Variants in RYR2 observed in about 807,000 individuals in gnomAD.
The protein encoded by RYR2 is cardiac muscle ryanodine receptor-calcium release channel.
A neutral mutation model predicts 601.1 loss-of-function variants in RYR2; 227 were observed. The ratio of observed to expected loss-of-function variants is 0.38; its 90% confidence interval spans 0.34 to 0.42. RYR2 has a LOEUF of 0.42. Ranked by LOEUF, RYR2 falls within the 10% of genes least tolerant of loss-of-function variation. The probability of loss-of-function intolerance (pLI) is 1.00; values close to 1 mark genes in which losing one functional copy is unlikely to be tolerated. For synonymous variants in RYR2, 2,223 were observed against 2,175.1 expected (o/e 1.02, Z -0.61); for missense variants, 4,646 against 6,156.5 (o/e 0.75, Z 8.21).
chr1:237,263,220 A>G (rs1216274000), intron 1 of RYR2, among the ~76,000 whole-genome samples: 1 of 152,188 alleles, frequency 6.6e-6, no homozygotes, highest in Non-Finnish European at 1.5e-5. Flanking sequence ...TTTGATTGGA[A>G]ATTAAATAAG....
At chr1:237,107,328 T>C (rs1047436520) in intron 1 of RYR2, among the ~76,000 whole-genome samples, 29 of 151,448 alleles carry the variant, frequency 1.9e-4, no homozygotes, top group Non-Finnish European at 3.1e-4. Flanking sequence ...GAGACCATCC[T>C]GGCTAACACG....
chr1:237,728,865 A>G (rs199588126), intron 76 of RYR2, among the ~76,000 whole-genome samples: 1 of 152,178 alleles, frequency 6.6e-6, no homozygotes, highest in Admixed American at 6.6e-5. Flanking sequence ...ATGGGTTGAT[A>G]GGTGCAGCAA....
rs1689895964 is a variant in RYR2 at position 237,723,194 on chromosome 1, A to C, written c.10621A>C (p.Thr3541Pro). The change falls in exon 74 of 105, where the codon ACC (threonine) becomes CCC (proline). Residue 3541 changes from threonine (T) to proline (P), a missense_variant. Thr to Pro is a conservative substitution (Grantham distance 38). Around this residue, in one of 17 missense-constraint regions of RYR2, gnomAD observed 1,497 missense variants for 1,842.6 expected, o/e 0.81. Transcript: ENST00000366574. ...AGACTTACCAAACAGGACTGATGAT[A>C]CCTCAGATCCAGAGAAGACGGTAGA... ...YKDLPNRTDD[T>P]SDPEKTVERV... The C allele has an allele frequency of 6.2e-7, 1 of 1,611,008 alleles. No homozygotes were observed. Among genetic ancestry groups the C allele is most frequent in the Non-Finnish European group, 8.5e-7 (1 of 1,177,376 alleles).
chr1:237,204,361 C>T (rs1681543344), intron 1 of RYR2, among the ~76,000 whole-genome samples: 1 of 152,194 alleles, frequency 6.6e-6, no homozygotes, highest in African/African-American at 2.4e-5. Flanking sequence ...CCCATATCCT[C>T]TGTCCCTTTA....
intron 1 of RYR2, among the ~76,000 whole-genome samples, chr1:237,059,769 T>C (rs2148227205): frequency 6.6e-6 from 1 of 152,312 alleles, no homozygotes; most frequent in Middle Eastern, 3.4e-3. Context: ...AAGAATGCCA[T>C]AAATATTGGA....
intron 86 of RYR2, 55 bp downstream of exon 86, chr1:237,772,155 T>C: frequency 1.1e-6 from 1 of 934,248 alleles, no homozygotes; most frequent in Non-Finnish European, 1.7e-6. Flanking sequence ...GTTGAAACAA[T>C]ACGGCAGAGT....
rs1220449640 is a variant in RYR2 at position 237,595,612 on chromosome 1, G to T, written c.4551G>T (p.Leu1517=). Residue 1517 remains leucine (L), a synonymous_variant, in exon 34 of 105, where the codon CTG becomes CTT. Coordinates refer to ENST00000366574, the MANE Select transcript of RYR2 (RefSeq NM_001035.3). ...IGCVVDAASG[L]LTFIANGKEL... ...GTGTGGTGGATGCTGCCAGCGGGCTGCTCACATTCATTGCCAATGGCAAGG... is the reference window on the plus strand; with the variant it reads ...GTGTGGTGGATGCTGCCAGCGGGCTTCTCACATTCATTGCCAATGGCAAGG... 1 of 1,613,260 alleles carries T rather than the reference G, an allele frequency of 6.2e-7. No homozygotes were observed.
intron 1 of RYR2, among the ~76,000 whole-genome samples, chr1:237,164,269 T>C (rs914565782): frequency 6.6e-6 from 1 of 152,136 alleles, no homozygotes; most frequent in African/African-American, 2.4e-5. Flanking sequence ...TGAGACTCTG[T>C]TTCAAAAAAG....
intron 1 of RYR2, among the ~76,000 whole-genome samples, chr1:237,058,930 C>T (rs1054026944): frequency 2.6e-5 from 4 of 152,020 alleles, no homozygotes; most frequent in African/African-American, 9.7e-5. Context: ...TGAACATTCT[C>T]TAGTTTTGGT....
intron 1 of RYR2, among the ~76,000 whole-genome samples, chr1:237,205,881 G>A (rs535658301): frequency 8.5e-5 from 13 of 152,304 alleles, no homozygotes; most frequent in Admixed American, 5.2e-4. Context: ...GACCTGGACC[G>A]GAGGCTTGGC....
chr1:237,163,263 T>C lies in RYR2; in HGVS notation c.49-107234T>C, dbSNP rs188224753. On this transcript the variant is annotated intron_variant, in intron 1 of 104. Coordinates refer to ENST00000366574, the MANE Select transcript of RYR2 (RefSeq NM_001035.3). ...CCTTTTACTGTCCACCTAAGGAACA[T>C]GCCATACCACATTCCCATCAATAGC... 4.6e-3 allele frequency among the ~76,000 whole-genome samples: 695 copies of C among 152,150 alleles called. 19 individuals are homozygous for C. The highest frequency in any genetic ancestry group is 1.4e-3 in the Non-Finnish European group (96 of 67,998).
intron 1 of RYR2, among the ~76,000 whole-genome samples, chr1:237,071,075 AGG>A (rs1664254547): frequency 6.6e-6 from 1 of 152,158 alleles, no homozygotes; most frequent in South Asian, 2.1e-4. Context: ...GGGAAGAATG[AGG>A]TATGCAGATA....
intron 1 of RYR2, among the ~76,000 whole-genome samples, chr1:237,121,726 G>T (rs1670799001): frequency 6.6e-6 from 1 of 152,210 alleles, no homozygotes; most frequent in Non-Finnish European, 1.5e-5. Flanking sequence ...TATGTTCTGT[G>T]AGAAACGGAG....
chr1:237,061,274 A>AT (rs1335355833), intron 1 of RYR2, among the ~76,000 whole-genome samples: 1,706 of 123,494 alleles, frequency 0.014, 29 homozygotes, highest in African/African-American at 0.049. Flanking sequence ...CTATCCATCT[A>AT]TCATCTATCT....
chr1:237,776,659 C>CTG (rs1694684724), intron 87 of RYR2, among the ~76,000 whole-genome samples: 1 of 151,956 alleles, frequency 6.6e-6, no homozygotes, highest in Admixed American at 6.6e-5. Context: ...CTCTCTCTCT[C>CTG]TTTCCCTTTC....
chr1:237,491,395 C>A (rs771840832), intron 17 of RYR2, among the ~76,000 whole-genome samples: 1 of 152,158 alleles, frequency 6.6e-6, no homozygotes, highest in African/African-American at 2.4e-5. Context: ...CCCACTCACT[C>A]TGTACATGAG....
chr1:237,123,275 A>G (rs1410178976), intron 1 of RYR2, among the ~76,000 whole-genome samples: 1 of 152,200 alleles, frequency 6.6e-6, no homozygotes, highest in Non-Finnish European at 1.5e-5. Context: ...ATTTGCTTCT[A>G]TCCTATTTTT....
chr1:237,117,325 T>G (rs999471466), intron 1 of RYR2, among the ~76,000 whole-genome samples: 1 of 152,070 alleles, frequency 6.6e-6, no homozygotes, highest in Non-Finnish European at 1.5e-5. Context: ...TCCATTACGC[T>G]AAGGGATTCT....
At chr1:237,201,714 G>A (rs189753550) in intron 1 of RYR2, among the ~76,000 whole-genome samples, 1 of 152,052 alleles carries the variant, frequency 6.6e-6, no homozygotes, top group Non-Finnish European at 1.5e-5. Flanking sequence ...TGGATGAGGG[G>A]CTCCCAGGGC....
Sources: gnomAD v4.1 joint callset for allele counts (sites outside exome capture counted in the v4.1 genomes callset) on GRCh38, gnomAD v4.1.1 for gene constraint, gnomAD v4.1.1 regional missense constraint, MANE v1.5 for transcripts, NCBI Gene and HGNC (gene_info 2026-07-23, HGNC 2026-07-21) for gene names.